Variants in SPRY3 observed in about 807,000 individuals in gnomAD.
SPRY3 encodes the protein sprouty RTK signaling antagonist 3.
Under a neutral mutation model 20.2 loss-of-function variants are expected in SPRY3, and 15 were observed. The ratio of observed to expected loss-of-function variants is 0.74; its 90% CI spans 0.50 to 1.14. The LOEUF (loss-of-function observed/expected upper bound fraction) is 1.14. SPRY3 is among the 50% of genes most tolerant of loss of function. The probability of loss-of-function intolerance (pLI) is 0.00; values close to 1 mark genes in which losing one functional copy is unlikely to be tolerated. For synonymous variants in SPRY3, 143 were observed against 136.5 expected (o/e 1.05, Z -0.33); for missense variants, 364 against 363.9 (o/e 1.00, Z 0.00).
At position 155,687,468 on chromosome X, in the gene SPRY3, G is replaced by T. The variant is rs770143736; in HGVS notation, c.-282+30443G>T. ...AAATTGACTTTATCAAAAGGGAAAT[G>T]TATTGGCTCATGTAACAGAATAGCC... is the stretch of plus-strand genomic sequence containing the variant. On this transcript the variant is annotated intron_variant, in intron 2 of 3. Transcript: ENST00000675360. Among the ~76,000 whole-genome samples, 12 of 112,788 alleles carry T rather than the reference G, an allele frequency of 1.1e-4. 1 individual carries two copies. The highest frequency in any genetic ancestry group is 2.3e-4 in the Non-Finnish European group (12 of 53,317).
rs996646702 is a variant in SPRY3 at position 155,772,079 on chromosome X, A to G, written c.-106-1687A>G. Among the ~76,000 whole-genome samples, 6 of 152,168 alleles carry G rather than the reference A, an allele frequency of 3.9e-5. 1 individual carries two copies. The highest frequency in any genetic ancestry group is 1.3e-4 in the Admixed American group (2 of 15,280). ...TAAATATTTGAGTCTGAGAGTTTCC[A>G]TAATATTTATTTGCATTCTCTTATG... On this transcript the variant is annotated intron_variant, in intron 3 of 3. Coordinates refer to ENST00000675360, the Ensembl canonical transcript of SPRY3.
chrX:155,650,612 A>G (rs2067973974), intron 1 of SPRY3, among the ~76,000 whole-genome samples: 1 of 111,681 alleles, frequency 9.0e-6, no homozygotes, highest in African/African-American at 3.3e-5. Flanking sequence ...TGGGTTTTTC[A>G]AGTCCTCTAC....
At chrX:155,731,764 A>G (rs976784869) in intron 2 of SPRY3, among the ~76,000 whole-genome samples, 2 of 152,118 alleles carry the variant, frequency 1.3e-5, no homozygotes, top group African/African-American at 2.4e-5. Context: ...CCCATCTGAC[A>G]AGAGATTAAT....
intron 1 of SPRY3, among the ~76,000 whole-genome samples, chrX:155,616,139 C>CTCTCTCTCTCT (rs1319451604): frequency 3.1e-4 from 31 of 99,121 alleles, no homozygotes; most frequent in African/African-American, 6.1e-4. Flanking sequence ...TCCTCTCTCT[C>CTCTCTCTCTCT]TCTCTCTCTC....
At chrX:155,637,630 C>G (rs2067927972) in intron 1 of SPRY3, among the ~76,000 whole-genome samples, 1 of 111,500 alleles carries the variant, frequency 9.0e-6, no homozygotes, top group South Asian at 3.8e-4. Flanking sequence ...GCCTGTGCTC[C>G]CTCCTAAGAA....
chrX:155,763,234 C>T (rs1418410676), intron 2 of SPRY3, among the ~76,000 whole-genome samples: 1 of 152,062 alleles, frequency 6.6e-6, no homozygotes, highest in African/African-American at 2.4e-5. Flanking sequence ...TAATCATACC[C>T]CAGCCAAAGT....
At chrX:155,773,805 G>GCTC in exon 4 of SPRY3, 1 of 1,538,428 alleles carries the variant, frequency 6.5e-7, no homozygotes, top group Non-Finnish European at 8.8e-7. Flanking sequence ...AACTACAAGG[G>GCTC]CTCCTCTTTA....
At chrX:155,651,202 G>A (rs2067976383) in intron 1 of SPRY3, among the ~76,000 whole-genome samples, 1 of 109,374 alleles carries the variant, frequency 9.1e-6, no homozygotes, top group African/African-American at 3.3e-5. Flanking sequence ...CAGCCTCCTG[G>A]GATTACAGGC....
chrX:155,705,354 C>T (rs2090942994), intron 2 of SPRY3, among the ~76,000 whole-genome samples: 1 of 151,118 alleles, frequency 6.6e-6, no homozygotes, highest in South Asian at 2.1e-4. Flanking sequence ...TGGGAAGGCA[C>T]TAAATTTTTA....
In SPRY3 at chrX:155,675,652, T is replaced by C. The variant is rs782144789; in HGVS notation, c.-282+18627T>C. Among the ~76,000 whole-genome samples the C allele has an allele frequency of 1.8e-5, 2 of 111,742 alleles. 1 individual carries two copies. Among genetic ancestry groups the C allele is most frequent in the South Asian group, 7.5e-4 (2 of 2,677 alleles). ...TAAATTAGCCAGTGTGGGAAAGGTA[T>C]AGCTGGCCAGCTGCCTATGCCAGCT... is the stretch of plus-strand genomic sequence containing the variant. On this transcript the variant is annotated intron_variant, in intron 2 of 3. Transcript: ENST00000675360.
At chrX:155,678,010 A>C (rs1455546477) in intron 2 of SPRY3, among the ~76,000 whole-genome samples, 2 of 111,699 alleles carry the variant, frequency 1.8e-5, no homozygotes, top group African/African-American at 6.5e-5. Flanking sequence ...ATGTGGTCTT[A>C]TGGAAAAACC....
intron 2 of SPRY3, among the ~76,000 whole-genome samples, chrX:155,744,798 G>A (rs1328827218): frequency 6.6e-6 from 1 of 151,872 alleles, no homozygotes; most frequent in Non-Finnish European, 1.5e-5. Flanking sequence ...TTTGACCTGG[G>A]GCCACTTTAC....
chrX:155,725,671 T>G (rs189605014), intron 2 of SPRY3, among the ~76,000 whole-genome samples: 131 of 152,296 alleles, frequency 8.6e-4, no homozygotes, highest in African/African-American at 2.8e-3. Flanking sequence ...TGATATCCCC[T>G]TTATCATTTT....
intron 2 of SPRY3, among the ~76,000 whole-genome samples, chrX:155,703,514 T>C (rs1235900946): frequency 1.4e-5 from 1 of 70,366 alleles, no homozygotes; most frequent in Non-Finnish European, 2.7e-5. Flanking sequence ...CTTTTTTTCT[T>C]TATTAGTCTT....
At chrX:155,659,096 TTTTCTTTCTTC>T (rs2068000939) in intron 2 of SPRY3, among the ~76,000 whole-genome samples, 1 of 98,394 alleles carries the variant, frequency 1.0e-5, no homozygotes, top group Non-Finnish European at 2.0e-5. Context: ...AGGGTTCTTT[TTTTCTTTCTTC>T]TTTCTTTCTT....
At chrX:155,746,301 A>C (rs2091225818) in intron 2 of SPRY3, among the ~76,000 whole-genome samples, 1 of 152,104 alleles carries the variant, frequency 6.6e-6, no homozygotes, top group African/African-American at 2.4e-5. Context: ...TGATTCAGAC[A>C]CTGTAGCTAA....
chrX:155,623,356 G>A (rs1277599481), intron 1 of SPRY3, among the ~76,000 whole-genome samples: 4 of 111,489 alleles, frequency 3.6e-5, no homozygotes, highest in East Asian at 5.6e-4. Context: ...TTTTTCAACA[G>A]AGGAATGGGC....
chrX:155,616,371 G>T (rs1557348907), intron 1 of SPRY3, among the ~76,000 whole-genome samples: 1 of 110,243 alleles, frequency 9.1e-6, no homozygotes, highest in Admixed American at 9.7e-5. Flanking sequence ...GTAATGGCTG[G>T]CAAGATAAAG....
intron 3 of SPRY3, among the ~76,000 whole-genome samples, chrX:155,771,369 C>G (rs2091380373): frequency 6.6e-6 from 1 of 152,142 alleles, no homozygotes; most frequent in African/African-American, 2.4e-5. Flanking sequence ...CCCTAGAATC[C>G]TGTCTTTGGA....
Sources: allele counts gnomAD v4.1 joint callset (sites outside exome capture counted in the v4.1 genomes callset), GRCh38; gene constraint gnomAD v4.1.1; transcripts MANE v1.5; gene names NCBI Gene and HGNC (gene_info 2026-07-23, HGNC 2026-07-21).